Variants in ZNF44 observed in about 807,000 individuals in gnomAD.
ZNF44 encodes gonadotropin inducible transcription repressor-2.
Under a neutral mutation model 11.7 loss-of-function variants are expected in ZNF44, and 9 were observed. The ratio of observed to expected loss-of-function variants is 0.77; its 90% confidence interval spans 0.46 to 1.35. The LOEUF is 1.35. Ranked by LOEUF, ZNF44 falls within the 40% of genes most tolerant of loss-of-function variation. The pLI, the probability that ZNF44 is intolerant of heterozygous loss-of-function variation, is 0.00. For missense variants in ZNF44, 696 were observed against 743.1 expected (o/e 0.94, Z 0.74); for synonymous variants, 224 against 242.7 (o/e 0.92, Z 0.72).
At chr19:12,249,965 G>A (rs1247315373) in intron 7 of ZNF44, 1 of 1,275,628 alleles carries the variant, frequency 7.8e-7, no homozygotes. Context: ...TTTCTTTTCT[G>A]AGTGTGACTC....
At chr19:12,268,056 C>A (rs915646439), downstream of ZNF44, among the ~76,000 whole-genome samples, 2 of 151,566 alleles carry the variant, frequency 1.3e-5, no homozygotes, top group African/African-American at 2.4e-5. Context: ...AGGCTAGTCT[C>A]AAACTCCTAA....
At chr19:12,242,236 G>A (rs544529822), upstream of ZNF44, among the ~76,000 whole-genome samples, 84 of 152,154 alleles carry the variant, frequency 5.5e-4, no homozygotes, top group African/African-American at 8.2e-4. Flanking sequence ...GGCCGGGTGC[G>A]GTGGCTCACG....
downstream of ZNF44, among the ~76,000 whole-genome samples, chr19:12,268,794 C>T (rs1294905051): frequency 6.7e-6 from 1 of 150,070 alleles, no homozygotes; most frequent in African/African-American, 2.5e-5. Context: ...CCTAGGCTGG[C>T]GTGCAATGGC....
At chr19:12,278,142 AAC>A (rs1301289045) in intron 1 of ZNF44, among the ~76,000 whole-genome samples, 2 of 152,328 alleles carry the variant, frequency 1.3e-5, no homozygotes, top group African/African-American at 4.8e-5. Context: ...GAGGGCAAGG[AAC>A]ACCTGGCCCA....
At chr19:12,255,109 C>G (rs1302906340) in intron 5 of ZNF44, among the ~76,000 whole-genome samples, 2 of 111,656 alleles carry the variant, frequency 1.8e-5, no homozygotes, top group African/African-American at 5.4e-5. Flanking sequence ...CACACACACA[C>G]ACACACACAC....
intron 1 of ZNF44, among the ~76,000 whole-genome samples, chr19:12,290,825 G>A (rs1368870009): frequency 6.6e-6 from 1 of 152,210 alleles, no homozygotes; most frequent in Non-Finnish European, 1.5e-5. Context: ...ACTAAACTGG[G>A]CCCACAATGA....
downstream of ZNF44, among the ~76,000 whole-genome samples, chr19:12,266,848 G>A (rs1256281022): frequency 1.3e-5 from 2 of 152,090 alleles, no homozygotes; most frequent in South Asian, 2.1e-4. Flanking sequence ...GGACAAAAGG[G>A]AATTGCATTC....
chr19:12,283,485 C>T (rs1411690426), intron 1 of ZNF44, among the ~76,000 whole-genome samples: 2 of 152,056 alleles, frequency 1.3e-5, no homozygotes, highest in East Asian at 1.9e-4. Flanking sequence ...TCCACCACCA[C>T]GCCTGGCTAA....
rs571524575 is a variant in ZNF44, at chr19:12,275,590, G to A, written c.130+366C>T. ...GAACCCGGGAGGCGGAGCTTGTAGT[G>A]AGCCAAGATGGAGCCACTGCACTCC... On this transcript the variant is annotated intron_variant, in intron 2 of 3. Coordinates refer to ENST00000355684, the MANE Select transcript of ZNF44 (RefSeq NM_016264.4). Among the ~76,000 whole-genome samples, 88 of 152,206 alleles carry A rather than the reference G, an allele frequency of 5.8e-4. 1 individual carries two copies. Among genetic ancestry groups the A allele is most frequent in the African/African-American group, 2.1e-3 (87 of 41,530 alleles).
chr19:12,253,424 A>T (rs1917107228), intron 5 of ZNF44, among the ~76,000 whole-genome samples: 1 of 151,934 alleles, frequency 6.6e-6, no homozygotes, highest in Non-Finnish European at 1.5e-5. Context: ...TCCTGACTTC[A>T]GGTGATCCAC....
At chr19:12,242,538 A>T (rs976816464), upstream of ZNF44, among the ~76,000 whole-genome samples, 2 of 150,498 alleles carry the variant, frequency 1.3e-5, no homozygotes, top group Non-Finnish European at 3.0e-5. Context: ...AAAACTGGCC[A>T]GGCACATTGG....
At chr19:12,275,717 C>G (rs1967191992) in intron 2 of ZNF44, among the ~76,000 whole-genome samples, 1 of 152,160 alleles carries the variant, frequency 6.6e-6, no homozygotes, top group Non-Finnish European at 1.5e-5. Flanking sequence ...ATACATATGA[C>G]ATATATGTGC....
At chr19:12,263,327 C>T (rs911830449) in intron 5 of ZNF44, among the ~76,000 whole-genome samples, 1 of 151,970 alleles carries the variant, frequency 6.6e-6, no homozygotes, top group Admixed American at 6.5e-5. Context: ...CTCAGGTGAT[C>T]CGCCCGCCTC....
In ZNF44 at chr19:12,284,915, C is replaced by T. The variant is rs936977572; in HGVS notation, c.4-8833G>A. 51 of 716,308 alleles carry T rather than the reference C, an allele frequency of 7.1e-5. 1 individual carries two copies. The East Asian group carries it at 9.9e-4, about 14-fold the overall frequency. 44.4% of individuals were successfully genotyped at this position (716,308 alleles called of 1,614,324 possible). The stretch of plus-strand genomic sequence containing the variant: ...TCCCCGCACCCAGGGACACTGGCAT[C>T]GTCTCAGCGCCTGTGCCCAAGAAGC... On this transcript the variant is annotated intron_variant, in intron 1 of 3. Transcript: ENST00000355684.
intron 5 of ZNF44, among the ~76,000 whole-genome samples, chr19:12,265,339 C>A (rs1917686836): frequency 6.6e-6 from 1 of 151,972 alleles, no homozygotes. Flanking sequence ...AAGCCTTGAT[C>A]CCCCCAGTGC....
Position 12,287,953 on chromosome 19 carries a change from CA to C in ZNF44, c.3+6738del, listed in dbSNP as rs543391036. 9.2e-5 allele frequency among the ~76,000 whole-genome samples: 14 copies of C among 152,292 alleles called. No homozygotes were observed. The South Asian group carries it at 2.5e-3, about 27-fold the overall frequency. On this transcript the variant is annotated intron_variant, in intron 1 of 3. Transcript: ENST00000355684. ...CTGAACCTATAATGAGTAACAATGA[CA>C]AATTCAGAGTTATGGTTCTGACCCA...
At chr19:12,284,358 G>T in intron 1 of ZNF44, 1 of 571,080 alleles carries the variant, frequency 1.8e-6, no homozygotes. Context: ...CGCAGGTGCA[G>T]CGCGGGGGTC....
At chr19:12,251,323 CTG>C (rs1383263159) in intron 5 of ZNF44, among the ~76,000 whole-genome samples, 1 of 125,786 alleles carries the variant, frequency 8.0e-6, no homozygotes, top group African/African-American at 4.1e-5. Context: ...GAGCGAGACT[CTG>C]TCTCAAAAAA....
At chr19:12,236,945 C>T (rs962764138) in intron 1 of ZNF44, 1 of 152,240 alleles carries the variant, frequency 6.6e-6, no homozygotes. Context: ...TTTAACTTGG[C>T]TTGCTTCCTC....
Sources: gnomAD v4.1 joint callset for allele counts (sites outside exome capture counted in the v4.1 genomes callset) on GRCh38, gnomAD v4.1.1 for gene constraint, MANE v1.5 for transcripts, NCBI Gene and HGNC (gene_info 2026-07-23, HGNC 2026-07-21) for gene names.